The following PCDH9 variants were observed in gnomAD, a reference collection of about 807,000 sequenced individuals.
PCDH9 encodes the protein protocadherin-9.
In PCDH9, 24 loss-of-function variants were observed where a neutral mutation model predicts 70.6. The ratio of observed to expected loss-of-function variants is 0.34; its 90% CI spans 0.25 to 0.48. The LOEUF (loss-of-function observed/expected upper bound fraction) is 0.48. Among genes scored for constraint, PCDH9 ranks in the 20% least tolerant of loss-of-function variants. The probability of loss-of-function intolerance (pLI) is 0.99; values close to 1 mark genes in which losing one functional copy is unlikely to be tolerated. For synonymous variants in PCDH9, 562 were observed against 558.5 expected, an observed-to-expected ratio of 1.01 and a Z score of -0.09; for missense variants, 1,281 against 1,503.6, an observed-to-expected ratio of 0.85 and a Z score of 2.45.
At chr13:66,657,373 G>A (rs9529114) in intron 3 of PCDH9, among the ~76,000 whole-genome samples, 86,146 of 151,892 alleles carry the variant, frequency 0.57, 24,734 homozygotes, top group African/African-American at 0.64. Context: ...TGAACACAAA[G>A]TCACTTAATC....
At chr13:66,858,632 C>A (rs2081433866) in intron 3 of PCDH9, among the ~76,000 whole-genome samples, 1 of 152,090 alleles carries the variant, frequency 6.6e-6, no homozygotes, top group Non-Finnish European at 1.5e-5. Context: ...TTTAACATAT[C>A]TTTGAAGCCT....
Position 66,631,418 on chromosome 13 carries a change from A to G in PCDH9, c.3139-7T>C. ...ACGTAACACGGCGCTGCGACTACAA[A>G]GAAGACCACAGGACATGCTGATTAA... On this transcript the variant is annotated splice_polypyrimidine_tract_variant and splice_region_variant and intron_variant, in intron 3 of 4. Transcript: ENST00000377865. The G allele has an allele frequency of 1.3e-6, 2 of 1,553,798 alleles. No individual in the cohort carries two copies. The highest frequency in any genetic ancestry group is 1.8e-6 in the Non-Finnish European group (2 of 1,125,692).
chr13:66,571,570 C>T (rs2076733262), intron 4 of PCDH9, among the ~76,000 whole-genome samples: 1 of 151,764 alleles, frequency 6.6e-6, no homozygotes, highest in Admixed American at 6.6e-5. Context: ...CTTTTCTGCT[C>T]TACATATCAG....
chr13:66,609,989 G>T (rs1296110457), intron 4 of PCDH9, among the ~76,000 whole-genome samples: 2 of 133,580 alleles, frequency 1.5e-5, no homozygotes, highest in East Asian at 2.2e-4. Context: ...ACGGAGTCTC[G>T]CTCTGTCGCC....
At chr13:67,188,149 G>GA (rs1235956737) in intron 2 of PCDH9, among the ~76,000 whole-genome samples, 7 of 152,022 alleles carry the variant, frequency 4.6e-5, no homozygotes, top group South Asian at 2.1e-4. Flanking sequence ...GGAGAAATTG[G>GA]AAAAAACCTG....
At chr13:66,355,959 C>A (rs1042551490) in intron 4 of PCDH9, among the ~76,000 whole-genome samples, 2 of 151,934 alleles carry the variant, frequency 1.3e-5, no homozygotes, top group Admixed American at 6.6e-5. Context: ...GGTGTCTACC[C>A]CAAATGACTC....
chr13:66,600,693 T>C (rs2077154779), intron 4 of PCDH9, among the ~76,000 whole-genome samples: 1 of 113,462 alleles, frequency 8.8e-6, no homozygotes, highest in African/African-American at 2.8e-5. Context: ...CATCACAGTT[T>C]ATGGCTGAAC....
chr13:66,622,309 A>T (rs868844322), intron 4 of PCDH9, among the ~76,000 whole-genome samples: 4 of 152,220 alleles, frequency 2.6e-5, no homozygotes, highest in Middle Eastern at 6.8e-3. Flanking sequence ...AGTCCCATCG[A>T]CCACCCAAGG....
intron 3 of PCDH9, among the ~76,000 whole-genome samples, chr13:66,682,639 T>G (rs1314746349): frequency 6.6e-6 from 1 of 152,180 alleles, no homozygotes; most frequent in African/African-American, 2.4e-5. Flanking sequence ...AACATTAATT[T>G]GTATGGAAAT....
chr13:66,524,147 A>T (rs1307502886), intron 4 of PCDH9, among the ~76,000 whole-genome samples: 1 of 107,836 alleles, frequency 9.3e-6, no homozygotes, highest in Non-Finnish European at 2.3e-5. Context: ...CTTTTGTCAC[A>T]AACAATTTGC....
rs376827324 is a variant in PCDH9 at position 66,708,198 on chromosome 13, C to G, written c.3139-76787G>C. 2.4e-3 allele frequency among the ~76,000 whole-genome samples: 358 copies of G among 150,970 alleles called. 2 individuals are homozygous for G. Among genetic ancestry groups the G allele is most frequent in the African/African-American group, 8.3e-3 (345 of 41,350 alleles). On this transcript the variant is annotated intron_variant, in intron 3 of 4. Transcript: ENST00000377865. Reference sequence around the variant, plus strand: ...CCAAGTAGCTGGGACTACAGGCGCCCGCCACTACGCCCGGCTAATTTTTTG... The same window carrying G: ...CCAAGTAGCTGGGACTACAGGCGCCGGCCACTACGCCCGGCTAATTTTTTG...
At chr13:66,312,901 T>G (rs1955588138) in intron 4 of PCDH9, among the ~76,000 whole-genome samples, 1 of 152,172 alleles carries the variant, frequency 6.6e-6, no homozygotes, top group Non-Finnish European at 1.5e-5. Flanking sequence ...AGTCAACATT[T>G]GCAGATGGAG....
chr13:67,226,951 T>C lies in PCDH9; in HGVS notation c.1490A>G (p.Asp497Gly). Residue 497 changes from aspartate to glycine, a missense_variant, in exon 2 of 5, where the codon GAC becomes GGC. By Grantham distance (94) the Asp-to-Gly change is moderately conservative. Coordinates refer to ENST00000377865, the MANE Select transcript of PCDH9 (RefSeq NM_203487.3). The surrounding 1 kb of genome is among the most constrained non-coding windows in gnomAD (Gnocchi z 5.0). ...AACAATGTCTGCATTTTTCCCACTG[T>C]CTTCATCTGTGGCACTAATAGTTGT... The part of the protein sequence containing the change: ...YLTTISATDE[D>G]SGKNADIVYQ... 6.2e-7 allele frequency: 1 copy of C among 1,614,214 alleles called. No individual in the cohort carries two copies. Among genetic ancestry groups the C allele is most frequent in the Non-Finnish European group, 8.5e-7 (1 of 1,180,020 alleles).
At chr13:66,767,085 G>C (rs146925174) in intron 3 of PCDH9, among the ~76,000 whole-genome samples, 1 of 151,898 alleles carries the variant, frequency 6.6e-6, no homozygotes, top group African/African-American at 2.4e-5. Flanking sequence ...CTGATACAGC[G>C]TCTAAAAATA....
At position 66,610,080 on chromosome 13, in the gene PCDH9, CCTT is replaced by C. The variant is rs548506847; in HGVS notation, c.3340+21127_3340+21129del. Among the ~76,000 whole-genome samples, 952 of 151,840 alleles carry C rather than the reference CCTT, an allele frequency of 6.3e-3. 14 individuals are homozygous for C. Among genetic ancestry groups the C allele is most frequent in the Non-Finnish European group, 9.1e-3 (621 of 67,966 alleles). ...TCACGCCATTCTCCTGCCTCAGCCT[CCTT>C]CTTATTTAATAACAATAGTACTGGC... On this transcript the variant is annotated intron_variant, in intron 4 of 4. Coordinates refer to ENST00000377865, the MANE Select transcript of PCDH9 (RefSeq NM_203487.3).
chr13:67,187,109 C>A (rs1342928184), intron 2 of PCDH9, among the ~76,000 whole-genome samples: 2 of 152,146 alleles, frequency 1.3e-5, no homozygotes, highest in Admixed American at 6.6e-5. Context: ...TCTAACCTAT[C>A]CCCCACAGGC....
At chr13:67,222,449 A>G (rs1284886697) in intron 2 of PCDH9, 1 of 152,134 alleles carries the variant, frequency 6.6e-6, no homozygotes, top group African/African-American at 2.4e-5. Flanking sequence ...GCAGGTTAAC[A>G]CAAGGGAAAA....
intron 4 of PCDH9, among the ~76,000 whole-genome samples, chr13:66,389,763 A>G (rs1956986827): frequency 6.6e-6 from 1 of 152,176 alleles, no homozygotes; most frequent in African/African-American, 2.4e-5. Context: ...CCTAAACGCT[A>G]ATCTTCCAGT....
At chr13:66,962,035 G>T (rs542076829) in intron 2 of PCDH9, among the ~76,000 whole-genome samples, 41 of 150,998 alleles carry the variant, frequency 2.7e-4, no homozygotes, top group Non-Finnish European at 1.3e-4. Context: ...TGGCGACAGA[G>T]CGAGACCCCA....
Sources: gnomAD v4.1 joint callset for allele counts (sites outside exome capture counted in the v4.1 genomes callset) on GRCh38, gnomAD v4.1.1 for gene constraint, Gnocchi (gnomAD v3.1) non-coding constraint, MANE v1.5 for transcripts, NCBI Gene and HGNC (gene_info 2026-07-23, HGNC 2026-07-21) for gene names.